ZP3: variants seen among roughly 807,000 people sequenced by gnomAD.
ZP3 encodes zona pellucida glycoprotein 3, also known as zona pellucida sperm-binding protein 3.
ZP3 carries 21 observed loss-of-function variants against 35.6 expected under a neutral mutation model. The ratio of observed to expected loss-of-function variants is 0.59; its 90% CI spans 0.42 to 0.85. The LOEUF (loss-of-function observed/expected upper bound fraction) is 0.85, where lower values mean the gene tolerates loss of function less well. ZP3 is among the 40% of genes least tolerant of loss of function. ZP3 has a pLI of 0.00. For missense variants in ZP3, 437 were observed against 536.5 expected (o/e 0.81, Z 1.83); for synonymous variants, 207 against 214.5 (o/e 0.96, Z 0.31).
chr7:76,423,021 GAGAGAGAAAGAAAGAAAGAAAGAA>G (rs1385795112), upstream of ZP3, among the ~76,000 whole-genome samples: 22 of 72,832 alleles, frequency 3.0e-4, no homozygotes, highest in East Asian at 4.1e-3. Flanking sequence ...GAGAGAGAGA[GAGAGAGAAAGAAAGAAAGAAAGAA>G]AGAAAGAAAG....
At position 76,397,813 on chromosome 7, in the gene ZP3, C is replaced by T. The variant is rs747375337; in HGVS notation, c.-67+16C>T. 6 of 1,588,624 alleles carry T rather than the reference C, an allele frequency of 3.8e-6. No individual in the cohort carries two copies. The Admixed American group carries it at 8.8e-5, about 23-fold the overall frequency. On this transcript the variant is annotated intron_variant, in intron 1 of 8. Transcript: ENST00000336517. Reference sequence around the variant, plus strand: ...CCTGACACAGGTTCGCGCCCCCTACCAGGCGTACGCTGCCCTCACCTGGGG... The same window carrying T: ...CCTGACACAGGTTCGCGCCCCCTACTAGGCGTACGCTGCCCTCACCTGGGG...
intron 5 of ZP3, among the ~76,000 whole-genome samples, chr7:76,436,049 TTTTTTTTTTTTTTTTTTTTTTTTTTTG>T (rs1805996232): frequency 2.1e-5 from 1 of 46,706 alleles, no homozygotes; most frequent in African/African-American, 1.1e-4. Context: ...TTTTTTTTTT[TTTTTTTTTTTTTTTTTTTTTTTTTTTG>T]AGAGGGTCTC....
At chr7:76,429,311 C>G (rs868484588) in intron 1 of ZP3, 2 of 562,302 alleles carry the variant, frequency 3.6e-6, no homozygotes, top group African/African-American at 3.8e-5. Flanking sequence ...TGCTATGTTT[C>G]CCAGGCCAGT....
chr7:76,436,079 A>T (rs1805998268), intron 5 of ZP3, among the ~76,000 whole-genome samples: 2 of 67,706 alleles, frequency 3.0e-5, no homozygotes, highest in African/African-American at 5.2e-5. Context: ...TTTTTTTGAG[A>T]GGGTCTCTGT....
chr7:76,432,834 T>A, intron 2 of ZP3, 93 bp from the exon 3 acceptor site: 18 of 1,073,858 alleles, frequency 1.7e-5, no homozygotes, highest in Non-Finnish European at 2.5e-5. Flanking sequence ...CTGAGGACCC[T>A]GTAGTGGGGT....
At chr7:76,423,029 A>AGAGAGAG (rs767704641), upstream of ZP3, among the ~76,000 whole-genome samples, 923 of 55,214 alleles carry the variant, frequency 0.017, 24 homozygotes, top group Middle Eastern at 0.081. Flanking sequence ...GAGAGAGAGA[A>AGAGAGAG]AGAAAGAAAG....
rs1007001856 is a variant in ZP3 at position 76,430,773 on chromosome 7, T to C, written c.431+1140T>C. Among the ~76,000 whole-genome samples, 3 of 152,214 alleles carry C rather than the reference T, an allele frequency of 2.0e-5. No homozygotes were observed. In the East Asian group the frequency reaches 5.8e-4, roughly 29 times the overall value. On this transcript the variant is annotated intron_variant, in intron 2 of 7. Coordinates refer to ENST00000394857, the MANE Select transcript of ZP3 (RefSeq NM_001110354.2). ...TAGTGTGAAGTGGGTAGGGAGCTGA[T>C]ACCAGTCAGGACATCATGAGGGATG... is the stretch of plus-strand genomic sequence containing the variant.
At chr7:76,437,529 A>G (rs1584073071) in intron 5 of ZP3, among the ~76,000 whole-genome samples, 1 of 140,490 alleles carries the variant, frequency 7.1e-6, no homozygotes, top group East Asian at 2.1e-4. Context: ...CTTGTTGCCC[A>G]GGCTAGAGTG....
chr7:76,418,704 A>C (rs192045935), intron 1 of ZP3, among the ~76,000 whole-genome samples: 1 of 151,958 alleles, frequency 6.6e-6, no homozygotes, highest in Non-Finnish European at 1.5e-5. Flanking sequence ...AAAATACAAA[A>C]AATTAGCCGG....
intron 1 of ZP3, among the ~76,000 whole-genome samples, chr7:76,418,480 G>T (rs1192774551): frequency 6.6e-6 from 1 of 150,420 alleles, no homozygotes; most frequent in East Asian, 2.0e-4. Flanking sequence ...GAACCTGAAA[G>T]GCGGAGGTTG....
At chr7:76,426,610 C>T (rs1002164481) in intron 1 of ZP3, among the ~76,000 whole-genome samples, 2 of 152,098 alleles carry the variant, frequency 1.3e-5, no homozygotes, top group Admixed American at 6.6e-5. Context: ...GGCTCACAAA[C>T]ATGTCTTAGA....
At position 76,404,514 on chromosome 7, in the gene ZP3, A is replaced by G; in HGVS notation, c.-67+6717A>G. ...AGTCACAGTTGGAACATCTGAAATT[A>G]AAGATCCCAAATGTTGCTGGGCCTC... On this transcript the variant is annotated intron_variant, in intron 1 of 8. Coordinates refer to the ZP3 transcript ENST00000336517. 3.1e-6 allele frequency: 5 copies of G among 1,609,218 alleles called. No homozygotes were observed. The East Asian group carries it at 1.1e-4, about 36-fold the overall frequency.
At chr7:76,440,698 C>T in intron 7 of ZP3, 87 bp downstream of exon 7, 3 of 1,534,034 alleles carry the variant, frequency 2.0e-6, no homozygotes, top group Non-Finnish European at 2.6e-6. Flanking sequence ...TGGTATTTTC[C>T]CTTGTCCTCC....
chr7:76,417,479 A>G (rs1474737670), intron 1 of ZP3, among the ~76,000 whole-genome samples: 1 of 152,226 alleles, frequency 6.6e-6, no homozygotes, highest in African/African-American at 2.4e-5. Flanking sequence ...TGTAGAATTA[A>G]TGATCATCAC....
intron 3 of ZP3, 127 bp downstream of exon 3, chr7:76,433,157 G>GGTTTTGGTTA (rs1805885380): frequency 1.3e-6 from 1 of 771,352 alleles, no homozygotes; most frequent in Non-Finnish European, 2.1e-6. Context: ...GGTTTTGGTT[G>GGTTTTGGTTA]GTTTTGGTTG....
At chr7:76,418,312 T>C (rs1374983521) in intron 1 of ZP3, among the ~76,000 whole-genome samples, 1 of 151,816 alleles carries the variant, frequency 6.6e-6, no homozygotes, top group Non-Finnish European at 1.5e-5. Flanking sequence ...TCGCTTTGGG[T>C]GGCTGAGGCA....
intron 1 of ZP3, among the ~76,000 whole-genome samples, chr7:76,428,171 A>G (rs1805724353): frequency 6.8e-6 from 1 of 147,768 alleles, no homozygotes; most frequent in Admixed American, 6.8e-5. Flanking sequence ...ATTTAAAAAA[A>G]AAAAAAAAAG....
chr7:76,422,050 C>T (rs148454871), upstream of ZP3, among the ~76,000 whole-genome samples: 25,025 of 152,116 alleles, frequency 0.16, 2,371 homozygotes, highest in Non-Finnish European at 0.23. Context: ...GCATGTGCCA[C>T]CACACCAGGC....
At chr7:76,405,296 TATATATATATATATATA>T (rs1482129260) in intron 1 of ZP3, among the ~76,000 whole-genome samples, 6 of 54,566 alleles carry the variant, frequency 1.1e-4, no homozygotes, top group African/African-American at 4.0e-4. Context: ...TATATATATA[TATATATATATATATATA>T]TATGTATTTT....
Sources: allele counts gnomAD v4.1 joint callset (sites outside exome capture counted in the v4.1 genomes callset), GRCh38; gene constraint gnomAD v4.1.1; transcripts MANE v1.5; gene names NCBI Gene and HGNC (gene_info 2026-07-23, HGNC 2026-07-21).